DYRK1A: variants seen among roughly 807,000 people sequenced by gnomAD.
DYRK1A encodes the protein dual specificity tyrosine phosphorylation regulated kinase 1A, also known as dual specificity tyrosine-phosphorylation-regulated kinase 1A.
A neutral mutation model predicts 79.7 loss-of-function variants in DYRK1A; 9 were observed. That is an observed-to-expected ratio of 0.11 (90% CI 0.07 to 0.20). The LOEUF (loss-of-function observed/expected upper bound fraction) is 0.20. Among genes scored for constraint, DYRK1A ranks in the 10% least tolerant of loss-of-function variants. DYRK1A has a pLI of 1.00. For missense variants in DYRK1A, 622 were observed against 956.0 expected, an observed-to-expected ratio of 0.65 and a Z score of 4.61; for synonymous variants, 349 against 329.7, an observed-to-expected ratio of 1.06 and a Z score of -0.63.
intron 1 of DYRK1A, among the ~76,000 whole-genome samples, chr21:37,412,164 C>T (rs2148415629): frequency 6.6e-6 from 1 of 152,076 alleles, no homozygotes; most frequent in Middle Eastern, 3.4e-3. Context: ...AATGGATAGG[C>T]AAGAAGGGGC....
intron 9 of DYRK1A, among the ~76,000 whole-genome samples, chr21:37,497,092 A>G (rs1313114857): frequency 6.6e-6 from 1 of 151,824 alleles, no homozygotes; most frequent in East Asian, 1.9e-4. Context: ...ATAGTTTTGC[A>G]TTTTATAACA....
chr21:37,392,656 C>T (rs1254931213), intron 1 of DYRK1A, among the ~76,000 whole-genome samples: 1 of 152,178 alleles, frequency 6.6e-6, no homozygotes, highest in Non-Finnish European at 1.5e-5. Context: ...CCACAGTTCC[C>T]CAAAGGCTCC....
intron 1 of DYRK1A, among the ~76,000 whole-genome samples, chr21:37,386,362 A>T (rs2049760433): frequency 2.0e-5 from 3 of 152,166 alleles, no homozygotes; most frequent in Admixed American, 2.0e-4. Context: ...CCCGGTGCCA[A>T]AAAGGTCAGA....
At chr21:37,483,186 T>C (rs2052719269) in intron 5 of DYRK1A, among the ~76,000 whole-genome samples, 1 of 152,216 alleles carries the variant, frequency 6.6e-6, no homozygotes, top group African/African-American at 2.4e-5. Flanking sequence ...GTTTAGAGAT[T>C]GCAGTAAAGA....
intron 11 of DYRK1A, among the ~76,000 whole-genome samples, chr21:37,510,848 A>G (rs1215335222): frequency 6.6e-6 from 1 of 152,084 alleles, no homozygotes; most frequent in Non-Finnish European, 1.5e-5. Flanking sequence ...CAGCTTAGAC[A>G]TATGGCCATC....
At chr21:37,434,439 T>G (rs1390678082) in intron 2 of DYRK1A, among the ~76,000 whole-genome samples, 2 of 152,192 alleles carry the variant, frequency 1.3e-5, no homozygotes, top group Non-Finnish European at 2.9e-5. Context: ...TCTGAATATG[T>G]GAGATTAAAG....
At chr21:37,397,939 T>C (rs935456334) in intron 1 of DYRK1A, among the ~76,000 whole-genome samples, 2 of 151,860 alleles carry the variant, frequency 1.3e-5, no homozygotes, top group African/African-American at 4.8e-5. Context: ...TTTCATAAAT[T>C]TAAAAGTACC....
chr21:37,384,662 A>C (rs1208201379), intron 1 of DYRK1A, among the ~76,000 whole-genome samples: 1 of 152,208 alleles, frequency 6.6e-6, no homozygotes, highest in Non-Finnish European at 1.5e-5. Flanking sequence ...GCAGGTTAAC[A>C]TGACTCATAA....
At chr21:37,488,931 T>C (rs2052975186) in intron 6 of DYRK1A, 1 of 906,736 alleles carries the variant, frequency 1.1e-6, no homozygotes, top group Non-Finnish European at 1.3e-6. Context: ...ATATTTTACA[T>C]TCTTAGGTAA....
intron 1 of DYRK1A, among the ~76,000 whole-genome samples, chr21:37,403,663 A>ATATGTGTGTGTGTGTGTG: frequency 8.2e-6 from 1 of 121,518 alleles, no homozygotes; most frequent in Admixed American, 8.4e-5. Flanking sequence ...ATATATATAT[A>ATATGTGTGTGTGTGTGTG]TGTGTGTGTG....
At chr21:37,457,529 G>A (rs2051693506) in intron 2 of DYRK1A, among the ~76,000 whole-genome samples, 1 of 152,120 alleles carries the variant, frequency 6.6e-6, no homozygotes. Flanking sequence ...GTGCCACCGC[G>A]GCTGGCCTTT....
intron 10 of DYRK1A, 120 bp from the exon 11 acceptor site, chr21:37,505,979 G>C: frequency 8.1e-7 from 1 of 1,228,912 alleles, no homozygotes; most frequent in South Asian, 1.6e-5. Flanking sequence ...GTTAATATTA[G>C]AGATTTTGTA....
intron 2 of DYRK1A, among the ~76,000 whole-genome samples, chr21:37,470,551 C>T (rs2052186962): frequency 6.6e-6 from 1 of 152,158 alleles, no homozygotes; most frequent in Admixed American, 6.5e-5. Flanking sequence ...GATAGGGAAT[C>T]TAAGGCTTTG....
upstream of DYRK1A, chr21:37,365,971 G>C (rs1459116952): frequency 6.6e-6 from 1 of 152,184 alleles, no homozygotes; most frequent in African/African-American, 2.4e-5. Flanking sequence ...ACCGGAGCCA[G>C]GTGCCAGCCT....
At chr21:37,413,482 G>GA (rs1187478096) in intron 1 of DYRK1A, among the ~76,000 whole-genome samples, 1 of 152,170 alleles carries the variant, frequency 6.6e-6, no homozygotes, top group Non-Finnish European at 1.5e-5. Context: ...TCAGAAGGGA[G>GA]AGAGAGCAAG....
rs116747067 is a variant in DYRK1A at position 37,525,766 on chromosome 21, T to A, written c.*13235T>A. The stretch of plus-strand genomic sequence containing the variant: ...TATCAACAGCTCTCATGAATTTTTG[T>A]CAGAAATATTAGCTGAATATCCCGA... On this transcript the variant is annotated 3_prime_UTR_variant, in exon 12 of 12. Coordinates refer to ENST00000647188, the MANE Select transcript of DYRK1A (RefSeq NM_001347721.2). 1 of 152,228 alleles carries A rather than the reference T, an allele frequency of 6.6e-6. No homozygotes were observed. The highest frequency in any genetic ancestry group is 2.4e-5 in the African/African-American group (1 of 41,456). 9.4% of individuals were successfully genotyped at this position (152,228 alleles called of 1,614,324 possible).
chr21:37,443,177 TC>T (rs2051161848), intron 2 of DYRK1A, among the ~76,000 whole-genome samples: 1 of 151,938 alleles, frequency 6.6e-6, no homozygotes, highest in South Asian at 2.1e-4. Flanking sequence ...AGAGACAGGG[TC>T]TTGCTCTGGG....
intron 3 of DYRK1A, among the ~76,000 whole-genome samples, chr21:37,473,397 A>G (rs140573671): frequency 1.4e-3 from 216 of 152,358 alleles, no homozygotes; most frequent in Non-Finnish European, 2.7e-3. Flanking sequence ...TGAATGGTGT[A>G]AATAGAATAC....
At chr21:37,431,040 C>G (rs12482362) in intron 2 of DYRK1A, among the ~76,000 whole-genome samples, 4 of 152,038 alleles carry the variant, frequency 2.6e-5, no homozygotes, top group East Asian at 1.9e-4. Flanking sequence ...CCTTTTCTTG[C>G]AGAAAACTGA....
Sources: gnomAD v4.1 joint callset for allele counts (sites outside exome capture counted in the v4.1 genomes callset) on GRCh38, gnomAD v4.1.1 for gene constraint, MANE v1.5 for transcripts, NCBI Gene and HGNC (gene_info 2026-07-23, HGNC 2026-07-21) for gene names.